The following PARD3B variants were observed in gnomAD, a reference collection of about 807,000 sequenced individuals.
The protein encoded by PARD3B is par-3 family cell polarity regulator beta.
A neutral mutation model predicts 130.2 loss-of-function variants in PARD3B; 103 were observed. That is an observed-to-expected ratio of 0.79 (90% CI 0.67 to 0.93). PARD3B has a LOEUF of 0.93. Among genes scored for constraint, PARD3B ranks in the 40% least tolerant of loss-of-function variants. PARD3B has a pLI of 0.00. For synonymous variants in PARD3B, 583 were observed against 553.2 expected (o/e 1.05, Z -0.76); for missense variants, 1,609 against 1,499.2 (o/e 1.07, Z -1.21).
At chr2:204,917,746 A>G (rs559081841) in intron 2 of PARD3B, among the ~76,000 whole-genome samples, 1 of 152,306 alleles carries the variant, frequency 6.6e-6, no homozygotes, top group South Asian at 2.1e-4. Context: ...TTTTATTCAG[A>G]GCATTTCATT....
At chr2:205,456,930 T>C (rs1210127705) in intron 20 of PARD3B, among the ~76,000 whole-genome samples, 1 of 150,354 alleles carries the variant, frequency 6.7e-6, no homozygotes, top group Non-Finnish European at 1.5e-5. Flanking sequence ...TATCATAAAT[T>C]TAATAAATTT....
chr2:204,793,847 T>C (rs2042278092), intron 2 of PARD3B, among the ~76,000 whole-genome samples: 1 of 152,190 alleles, frequency 6.6e-6, no homozygotes, highest in South Asian at 2.1e-4. Context: ...CTTATTTCCT[T>C]TTTATCATTA....
intron 16 of PARD3B, among the ~76,000 whole-genome samples, chr2:205,271,853 A>G (rs2040738463): frequency 6.6e-6 from 1 of 152,154 alleles, no homozygotes; most frequent in African/African-American, 2.4e-5. Flanking sequence ...AGCCTTTTAT[A>G]CCAAGATTAG....
chr2:205,126,752 C>CAAAAAAAAAAAAAAAAAAAAAAAAAA (rs4045004), intron 10 of PARD3B, among the ~76,000 whole-genome samples: 1 of 74,456 alleles, frequency 1.3e-5, no homozygotes, highest in Non-Finnish European at 2.2e-5. Flanking sequence ...GACTCCGTCT[C>CAAAAAAAAAAAAAAAAAAAAAAAAAA]AAAAAAAAAA....
intron 3 of PARD3B, among the ~76,000 whole-genome samples, chr2:205,046,546 C>T (rs1385513946): frequency 1.4e-5 from 2 of 145,736 alleles, no homozygotes; most frequent in Non-Finnish European, 3.0e-5. Flanking sequence ...ATTTGCAATT[C>T]TATGTTTTGT....
intron 18 of PARD3B, among the ~76,000 whole-genome samples, chr2:205,329,468 A>G (rs1405265703): frequency 2.0e-5 from 3 of 152,204 alleles, no homozygotes; most frequent in Non-Finnish European, 4.4e-5. Flanking sequence ...ACTTTCAAAT[A>G]AGATAAAATA....
chr2:205,504,093 T>A (rs1015609411), intron 21 of PARD3B, among the ~76,000 whole-genome samples: 11 of 152,238 alleles, frequency 7.2e-5, no homozygotes, highest in African/African-American at 2.6e-4. Context: ...ATGCCACATA[T>A]CTACAACCAT....
intron 1 of PARD3B, among the ~76,000 whole-genome samples, chr2:204,592,426 A>T (rs892140431): frequency 6.6e-6 from 1 of 152,234 alleles, no homozygotes; most frequent in Non-Finnish European, 1.5e-5. Flanking sequence ...CTACCATGAA[A>T]TTCTGTTGTT....
intron 16 of PARD3B, among the ~76,000 whole-genome samples, chr2:205,290,881 G>T (rs775125963): frequency 2.4e-4 from 37 of 152,126 alleles, no homozygotes; most frequent in Non-Finnish European, 5.1e-4. Flanking sequence ...TGAGAATGTG[G>T]CAAGAAGATG....
chr2:204,870,941 G>A (rs1013340986), intron 2 of PARD3B, among the ~76,000 whole-genome samples: 1 of 152,034 alleles, frequency 6.6e-6, no homozygotes, highest in Admixed American at 6.6e-5. Flanking sequence ...ATTTTAAATT[G>A]TTTGAAAATA....
At chr2:204,990,665 T>C (rs932721281) in intron 3 of PARD3B, among the ~76,000 whole-genome samples, 1 of 152,070 alleles carries the variant, frequency 6.6e-6, no homozygotes, top group Non-Finnish European at 1.5e-5. Flanking sequence ...GCTACAAATA[T>C]CTTGCCCCAG....
At chr2:204,590,838 G>C (rs1279172630) in intron 1 of PARD3B, among the ~76,000 whole-genome samples, 1 of 152,148 alleles carries the variant, frequency 6.6e-6, no homozygotes, top group Admixed American at 6.5e-5. Context: ...ACCATTCTTT[G>C]CTAAAAACCC....
rs548700760 is a variant in PARD3B, at chr2:205,316,194, AG to A, written c.2630+14496del. ...TGGAAGTGGTTCAAAAATAAGAAAG[AG>A]GGTGAGCTGCATTGGGAGTTAATTA... On this transcript the variant is annotated intron_variant, in intron 18 of 22. Coordinates refer to ENST00000406610, the MANE Select transcript of PARD3B (RefSeq NM_001302769.2). Among the ~76,000 whole-genome samples, 5 of 152,284 alleles carry A rather than the reference AG, an allele frequency of 3.3e-5. No homozygotes were observed. In the East Asian group the frequency reaches 9.7e-4, roughly 29 times the overall value.
At chr2:204,631,239 T>G (rs1012870340) in intron 1 of PARD3B, among the ~76,000 whole-genome samples, 2 of 123,616 alleles carry the variant, frequency 1.6e-5, no homozygotes, top group Non-Finnish European at 3.4e-5. Flanking sequence ...GGGTCTTAGT[T>G]CTTTCTTTCT....
chr2:204,956,516 TTGTG>T (rs113818336), intron 2 of PARD3B, among the ~76,000 whole-genome samples: 23 of 148,116 alleles, frequency 1.6e-4, no homozygotes, highest in Admixed American at 4.1e-4. Flanking sequence ...GAAAAACTAC[TTGTG>T]TGTGTGTGTG....
At chr2:205,024,354 A>C (rs1263128644) in intron 3 of PARD3B, among the ~76,000 whole-genome samples, 1 of 151,592 alleles carries the variant, frequency 6.6e-6, no homozygotes, top group African/African-American at 2.4e-5. Flanking sequence ...TTTTTAGTAG[A>C]GATGGGGTTT....
At chr2:204,969,896 G>T (rs543069463) in intron 3 of PARD3B, among the ~76,000 whole-genome samples, 1 of 151,938 alleles carries the variant, frequency 6.6e-6, no homozygotes, top group Non-Finnish European at 1.5e-5. Flanking sequence ...GTTTGCTTCT[G>T]TCTTCTTATC....
chr2:205,132,677 C>T (rs1416952910), intron 10 of PARD3B, among the ~76,000 whole-genome samples: 1 of 152,136 alleles, frequency 6.6e-6, no homozygotes, highest in Non-Finnish European at 1.5e-5. Context: ...AAGAAATAGT[C>T]CTTAAGATGC....
intron 2 of PARD3B, among the ~76,000 whole-genome samples, chr2:204,822,507 C>G (rs1230111655): frequency 6.6e-6 from 1 of 152,124 alleles, no homozygotes; most frequent in Non-Finnish European, 1.5e-5. Context: ...CATAAAAGGA[C>G]TTTAAGGTTC....
Sources: allele counts gnomAD v4.1 joint callset (sites outside exome capture counted in the v4.1 genomes callset), GRCh38; gene constraint gnomAD v4.1.1; transcripts MANE v1.5; gene names NCBI Gene and HGNC (gene_info 2026-07-23, HGNC 2026-07-21).